The following SNX29 variants were observed in gnomAD, a reference collection of about 807,000 sequenced individuals.
SNX29 encodes sorting nexin-29.
Under a neutral mutation model 102.1 loss-of-function variants are expected in SNX29, and 78 were observed. That is an observed-to-expected ratio of 0.76 (90% CI 0.64 to 0.92). The LOEUF (loss-of-function observed/expected upper bound fraction) is 0.92, where lower values mean the gene tolerates loss of function less well. Ranked by LOEUF, SNX29 falls within the 40% of genes least tolerant of loss-of-function variation. The pLI is 0.00. For synonymous variants in SNX29, 580 were observed against 414.5 expected (o/e 1.40, Z -4.85); for missense variants, 1,280 against 1,061.7 (o/e 1.21, Z -2.86).
chr16:12,543,599 C>T (rs920848971), intron 20 of SNX29, among the ~76,000 whole-genome samples: 1 of 152,086 alleles, frequency 6.6e-6, no homozygotes, highest in Non-Finnish European at 1.5e-5. Context: ...AGTTCATCCT[C>T]CCCGATGGAG....
intron 18 of SNX29, among the ~76,000 whole-genome samples, chr16:12,427,430 A>G (rs551025330): frequency 1.1e-4 from 16 of 152,148 alleles, no homozygotes; most frequent in Admixed American, 9.8e-4. Context: ...GAGATTTTGT[A>G]TGTTTTGTTT....
chr16:12,412,910 T>C (rs2084463354), intron 18 of SNX29, among the ~76,000 whole-genome samples: 1 of 152,222 alleles, frequency 6.6e-6, no homozygotes, highest in African/African-American at 2.4e-5. Context: ...TTCTAGCCAC[T>C]CATGTTTCTG....
chr16:12,458,898 T>C (rs550797067), intron 18 of SNX29, among the ~76,000 whole-genome samples: 3 of 152,362 alleles, frequency 2.0e-5, no homozygotes, highest in Admixed American at 2.0e-4. Context: ...GTCTTTTCAC[T>C]ACAAGTGGCA....
intron 15 of SNX29, among the ~76,000 whole-genome samples, chr16:12,343,091 G>A (rs778758629): frequency 3.3e-5 from 5 of 152,144 alleles, no homozygotes; most frequent in Non-Finnish European, 7.3e-5. Context: ...TTGAGCCCGT[G>A]GTTGAAATAT....
intron 10 of SNX29, among the ~76,000 whole-genome samples, chr16:12,074,918 T>C (rs2051477768): frequency 6.6e-6 from 1 of 152,244 alleles, no homozygotes; most frequent in South Asian, 2.1e-4. Context: ...ATTCATTTCA[T>C]CTTCCATCAC....
At chr16:12,548,220 C>G (rs184596200) in intron 20 of SNX29, among the ~76,000 whole-genome samples, 1 of 152,216 alleles carries the variant, frequency 6.6e-6, no homozygotes, top group African/African-American at 2.4e-5. Flanking sequence ...ACGCTGGATC[C>G]TGCCACAGTG....
rs543892093 is a variant in SNX29, at chr16:12,216,252, G to A, written c.1678+16569G>A. 7.2e-5 allele frequency among the ~76,000 whole-genome samples: 11 copies of A among 152,250 alleles called. No homozygotes were observed. The South Asian group carries it at 1.0e-3, about 14-fold the overall frequency. Reference sequence around the variant, plus strand: ...TTAATATTTTGGAATATATTTTTCCGAGTAGGTATGGCACTTTGCCACAAA... The same window carrying A: ...TTAATATTTTGGAATATATTTTTCCAAGTAGGTATGGCACTTTGCCACAAA... On this transcript the variant is annotated intron_variant, in intron 14 of 20. Coordinates refer to ENST00000566228, the MANE Select transcript of SNX29 (RefSeq NM_032167.5).
intron 18 of SNX29, among the ~76,000 whole-genome samples, chr16:12,468,653 G>A (rs1423499935): frequency 6.6e-6 from 1 of 152,036 alleles, no homozygotes; most frequent in African/African-American, 2.4e-5. Context: ...GCCCTGGGAG[G>A]CTGGGATCCT....
At chr16:12,348,427 A>G (rs1421644203) in intron 15 of SNX29, among the ~76,000 whole-genome samples, 1 of 152,156 alleles carries the variant, frequency 6.6e-6, no homozygotes, top group African/African-American at 2.4e-5. Flanking sequence ...CCTTACTGCT[A>G]GGGTCCCCCT....
chr16:12,168,991 G>A (rs1401329609), intron 13 of SNX29, among the ~76,000 whole-genome samples: 1 of 152,180 alleles, frequency 6.6e-6, no homozygotes, highest in Non-Finnish European at 1.5e-5. Context: ...TTACCAGAAA[G>A]GGTTTTCCGT....
intron 18 of SNX29, among the ~76,000 whole-genome samples, chr16:12,438,338 A>G (rs1054204319): frequency 1.3e-5 from 2 of 152,118 alleles, no homozygotes; most frequent in Admixed American, 6.5e-5. Flanking sequence ...AGCTGGGTTC[A>G]GCGCTCTCCC....
At chr16:12,097,675 C>G (rs917725130) in intron 11 of SNX29, among the ~76,000 whole-genome samples, 1 of 152,176 alleles carries the variant, frequency 6.6e-6, no homozygotes, top group African/African-American at 2.4e-5. Context: ...GAACTCTAAG[C>G]TAGGATCAAC....
intron 20 of SNX29, among the ~76,000 whole-genome samples, chr16:12,559,431 T>C (rs2078583893): frequency 6.6e-6 from 1 of 151,418 alleles, no homozygotes; most frequent in South Asian, 2.1e-4. Context: ...GAAAACAAGC[T>C]CAGGGCTCCC....
intron 20 of SNX29, among the ~76,000 whole-genome samples, chr16:12,540,686 T>G (rs1487478262): frequency 6.6e-6 from 1 of 152,170 alleles, no homozygotes; most frequent in Non-Finnish European, 1.5e-5. Flanking sequence ...GTCCCTCTTG[T>G]TGTAGAAGCT....
chr16:11,988,831 T>C (rs1346126077), intron 1 of SNX29, among the ~76,000 whole-genome samples: 2 of 152,248 alleles, frequency 1.3e-5, no homozygotes, highest in Non-Finnish European at 2.9e-5. Context: ...CAAAGCCATT[T>C]CTATTCAATT....
chr16:12,367,107 T>G (rs2082514083), intron 16 of SNX29: 1 of 152,272 alleles, frequency 6.6e-6, no homozygotes, highest in African/African-American at 2.4e-5. Context: ...TTGCCTGCCT[T>G]CCAGCATATG....
intron 14 of SNX29, among the ~76,000 whole-genome samples, chr16:12,234,883 T>C (rs1029442980): frequency 2.0e-5 from 3 of 152,178 alleles, no homozygotes; most frequent in Admixed American, 2.0e-4. Flanking sequence ...ACTTCCTGTT[T>C]GGGTCTCAGC....
At chr16:11,997,094 A>G (rs1490812708) in intron 1 of SNX29, among the ~76,000 whole-genome samples, 1 of 152,140 alleles carries the variant, frequency 6.6e-6, no homozygotes, top group Admixed American at 6.5e-5. Flanking sequence ...AAATTTCAAC[A>G]GTCTAACCCC....
intron 20 of SNX29, among the ~76,000 whole-genome samples, chr16:12,565,995 C>T (rs1226296792): frequency 6.6e-6 from 1 of 152,050 alleles, no homozygotes; most frequent in African/African-American, 2.4e-5. Context: ...CACTTCTGCA[C>T]CCCTTCATGC....
Sources: gnomAD v4.1 joint callset for allele counts (sites outside exome capture counted in the v4.1 genomes callset) on GRCh38, gnomAD v4.1.1 for gene constraint, MANE v1.5 for transcripts, NCBI Gene and HGNC (gene_info 2026-07-23, HGNC 2026-07-21) for gene names.